CORIN: variants seen among roughly 807,000 people sequenced by gnomAD.
CORIN encodes the protein atrial natriuretic peptide-converting enzyme.
Under a neutral mutation model 125.3 loss-of-function variants are expected in CORIN, and 117 were observed. The observed-to-expected ratio is 0.93, with a 90% CI of 0.80 to 1.09. CORIN has a LOEUF of 1.09. Among genes scored for constraint, CORIN ranks in the 50% least tolerant of loss-of-function variants. CORIN has a pLI of 0.00. For missense variants in CORIN, 1,253 were observed against 1,306.7 expected, an observed-to-expected ratio of 0.96 and a Z score of 0.63; for synonymous variants, 450 against 466.4, an observed-to-expected ratio of 0.96 and a Z score of 0.45.
chr4:47,777,114 G>A (rs1025706708), intron 3 of CORIN, among the ~76,000 whole-genome samples: 1 of 152,110 alleles, frequency 6.6e-6, no homozygotes, highest in Non-Finnish European at 1.5e-5. Flanking sequence ...GGCTGCTTGG[G>A]GACAGGACTT....
At chr4:47,670,059 T>C (rs947890164) in intron 10 of CORIN, among the ~76,000 whole-genome samples, 11 of 152,240 alleles carry the variant, frequency 7.2e-5, no homozygotes, top group African/African-American at 2.4e-4. Context: ...TACCAGCTTT[T>C]GAATCTTGCT....
Position 47,680,227 on chromosome 4 carries a change from C to T in CORIN, c.1046G>A (p.Arg349His), listed in dbSNP as rs901895303. 8 of 1,613,768 alleles carry T rather than the reference C, an allele frequency of 5.0e-6. No individual in the cohort carries two copies. Among genetic ancestry groups the T allele is most frequent in the South Asian group, 2.2e-5 (2 of 91,074 alleles). ...GGCGATGCAGCGCCCGTCCCCGCAG[C>T]GATGCTCTGTTGTGGGATTGCAATC... Reference protein sequence around the residue: ...NCDCNPTTEHRCGDGRCIAME... With the variant: ...NCDCNPTTEHHCGDGRCIAME... Residue 349 changes from arginine to histidine, a missense_variant, in exon 8 of 22, where the codon CGC (arginine) becomes CAC (histidine). Physicochemically the swap from Arg to His is conservative, Grantham distance 29. Coordinates refer to ENST00000273857, the MANE Select transcript of CORIN (RefSeq NM_006587.4).
chr4:47,799,774 G>C (rs560736364), intron 2 of CORIN, among the ~76,000 whole-genome samples: 11 of 152,226 alleles, frequency 7.2e-5, no homozygotes, highest in East Asian at 5.8e-4. Flanking sequence ...AAGTGAAAAT[G>C]TATGTCCCCA....
intron 5 of CORIN, among the ~76,000 whole-genome samples, chr4:47,735,292 T>C (rs1249697581): frequency 6.6e-6 from 1 of 152,158 alleles, no homozygotes; most frequent in African/African-American, 2.4e-5. Flanking sequence ...TGTTTACCCA[T>C]AAAGCAAGAG....
At chr4:47,722,108 A>G (rs892459046) in intron 5 of CORIN, among the ~76,000 whole-genome samples, 2 of 152,212 alleles carry the variant, frequency 1.3e-5, no homozygotes, top group Non-Finnish European at 2.9e-5. Context: ...GAGTACATGT[A>G]TTCCCATCAC....
At chr4:47,804,315 A>G (rs1327947973) in intron 2 of CORIN, among the ~76,000 whole-genome samples, 1 of 152,212 alleles carries the variant, frequency 6.6e-6, no homozygotes, top group Non-Finnish European at 1.5e-5. Context: ...CAAAAAAACT[A>G]AAATTGAGCT....
chr4:47,706,955 C>A, intron 5 of CORIN: 1 of 1,596,476 alleles, frequency 6.3e-7, no homozygotes, highest in Non-Finnish European at 8.5e-7. Flanking sequence ...TTGGAGAAGG[C>A]GCAATACTCT....
chr4:47,665,383 C>T (rs1724437570), intron 10 of CORIN, 120 bp from the exon 11 acceptor site: 4 of 684,010 alleles, frequency 5.8e-6, no homozygotes, highest in Non-Finnish European at 9.8e-6. Context: ...ACTAGAATGC[C>T]AGTAGTATAT....
intron 3 of CORIN, among the ~76,000 whole-genome samples, chr4:47,779,858 G>A (rs1210352100): frequency 6.6e-6 from 1 of 152,200 alleles, no homozygotes; most frequent in Non-Finnish European, 1.5e-5. Context: ...TCTACACCCA[G>A]TAACTTTTGG....
chr4:47,797,810 G>A (rs1275161589), intron 2 of CORIN, among the ~76,000 whole-genome samples: 2 of 151,806 alleles, frequency 1.3e-5, no homozygotes, highest in Non-Finnish European at 2.9e-5. Flanking sequence ...ACAATTCTGT[G>A]ATACAAAAAA....
chr4:47,770,858 C>T (rs1271891802), intron 3 of CORIN, among the ~76,000 whole-genome samples: 2 of 152,026 alleles, frequency 1.3e-5, no homozygotes, highest in African/African-American at 4.8e-5. Context: ...AAAATGATGG[C>T]TACCAGGGAC....
intron 5 of CORIN, among the ~76,000 whole-genome samples, chr4:47,739,971 C>A (rs768415208): frequency 6.6e-6 from 1 of 151,460 alleles, no homozygotes; most frequent in African/African-American, 2.4e-5. Flanking sequence ...AATGGCACAC[C>A]CCAATATATC....
At chr4:47,628,437 CGT>C (rs35452886) in intron 16 of CORIN, among the ~76,000 whole-genome samples, 35,552 of 147,096 alleles carry the variant, frequency 0.24, 4,765 homozygotes, top group East Asian at 0.58. Context: ...CACATAGTTA[CGT>C]GTGTGTGTGT....
intron 5 of CORIN, among the ~76,000 whole-genome samples, chr4:47,715,502 G>A (rs1727048294): frequency 6.6e-6 from 1 of 152,190 alleles, no homozygotes; most frequent in African/African-American, 2.4e-5. Context: ...CTACTCGGGA[G>A]GCTGAGGCCT....
chr4:47,623,737 G>C lies in CORIN; in HGVS notation c.2374C>G (p.Arg792Gly). Reference sequence around the variant, plus strand: ...TTGTTCATTCGGGCAGCAGGGCGGCGCCCACAGTCTACCAAGGAGCAGAAG... The same window carrying C: ...TTGTTCATTCGGGCAGCAGGGCGGCCCCCACAGTCTACCAAGGAGCAGAAG... Reference protein sequence around the residue: ...SLLCTKQDCGRRPAARMNKRI... With the variant: ...SLLCTKQDCGGRPAARMNKRI... Residue 792 changes from arginine (R) to glycine (G), a missense_variant, in exon 19 of 22, where the codon CGC (arginine) becomes GGC (glycine). Physicochemically the swap from Arg to Gly is moderately radical, Grantham distance 125. Coordinates refer to ENST00000273857, the MANE Select transcript of CORIN (RefSeq NM_006587.4). 1 of 1,614,150 alleles carries C rather than the reference G, an allele frequency of 6.2e-7. No individual in the cohort carries two copies. Among genetic ancestry groups the C allele is most frequent in the Non-Finnish European group, 8.5e-7 (1 of 1,180,024 alleles).
intron 2 of CORIN, among the ~76,000 whole-genome samples, chr4:47,789,815 T>C (rs1730983269): frequency 6.6e-6 from 1 of 151,838 alleles, no homozygotes; most frequent in African/African-American, 2.4e-5. Context: ...GGTCAGGAAA[T>C]AGAGACCGTC....
At chr4:47,621,608 C>T (rs544081115) in intron 19 of CORIN, among the ~76,000 whole-genome samples, 1 of 152,106 alleles carries the variant, frequency 6.6e-6, no homozygotes, top group Non-Finnish European at 1.5e-5. Context: ...CAGTGATGTT[C>T]GTCAGTTTGG....
At chr4:47,744,776 A>C (rs1440404318) in intron 4 of CORIN, among the ~76,000 whole-genome samples, 193 bp from the exon 5 acceptor site, 2 of 152,232 alleles carry the variant, frequency 1.3e-5, no homozygotes, top group Non-Finnish European at 2.9e-5. Flanking sequence ...ATTCTAGAAG[A>C]AATAGCTAGT....
chr4:47,805,084 C>G (rs1291028265), intron 2 of CORIN, among the ~76,000 whole-genome samples: 1 of 144,954 alleles, frequency 6.9e-6, no homozygotes. Context: ...TGCAGTGAGC[C>G]GAGATCGCGC....
Sources: gnomAD v4.1 joint callset for allele counts (sites outside exome capture counted in the v4.1 genomes callset) on GRCh38, gnomAD v4.1.1 for gene constraint, MANE v1.5 for transcripts, NCBI Gene and HGNC (gene_info 2026-07-23, HGNC 2026-07-21) for gene names.